The following CTNNA2 variants were observed in gnomAD, a reference collection of about 807,000 sequenced individuals.
The protein encoded by CTNNA2 is catenin alpha-2.
CTNNA2 carries 42 observed loss-of-function variants against 101.0 expected under a neutral mutation model. That is an observed-to-expected ratio of 0.42 (90% CI 0.32 to 0.54). CTNNA2 has a LOEUF of 0.54. CTNNA2 is among the 20% of genes least tolerant of loss of function. The pLI is 0.14. For synonymous variants in CTNNA2, 450 were observed against 456.4 expected (o/e 0.99, Z 0.18); for missense variants, 871 against 1,223.1 (o/e 0.71, Z 4.29).
intron 9 of CTNNA2, among the ~76,000 whole-genome samples, chr2:80,494,471 T>C (rs1044370649): frequency 1.3e-5 from 2 of 152,134 alleles, no homozygotes; most frequent in Non-Finnish European, 2.9e-5. Context: ...AACCTAGTAT[T>C]AGATGCATGG....
chr2:79,274,540 A>G (rs1425880875), intron 2 of CTNNA2, among the ~76,000 whole-genome samples: 1 of 152,094 alleles, frequency 6.6e-6, no homozygotes, highest in African/African-American at 2.4e-5. Flanking sequence ...AACATTCACA[A>G]ATAACTTCTC....
intron 9 of CTNNA2, among the ~76,000 whole-genome samples, chr2:80,443,266 A>T (rs969714588): frequency 1.3e-5 from 2 of 152,216 alleles, no homozygotes; most frequent in Non-Finnish European, 2.9e-5. Flanking sequence ...TAGGTAGGCC[A>T]GCTTTAGAAT....
At chr2:79,740,453 C>A (rs971162768) in intron 2 of CTNNA2, among the ~76,000 whole-genome samples, 1 of 152,146 alleles carries the variant, frequency 6.6e-6, no homozygotes. Flanking sequence ...TTTTGTCCTT[C>A]TTTTGCTTTC....
At chr2:80,227,728 A>G (rs945226606) in intron 7 of CTNNA2, among the ~76,000 whole-genome samples, 2 of 152,154 alleles carry the variant, frequency 1.3e-5, no homozygotes, top group East Asian at 3.9e-4. Context: ...TGTCAACCAG[A>G]TTGACTGATG....
chr2:80,078,646 ATT>A (rs1698918334), intron 7 of CTNNA2, among the ~76,000 whole-genome samples: 2 of 152,190 alleles, frequency 1.3e-5, no homozygotes, highest in South Asian at 4.1e-4. Flanking sequence ...AAAATAGGAC[ATT>A]TGAGGCCTGG....
intron 7 of CTNNA2, among the ~76,000 whole-genome samples, chr2:80,066,019 T>C (rs528403030): frequency 2.0e-5 from 3 of 152,320 alleles, no homozygotes; most frequent in South Asian, 4.1e-4. Flanking sequence ...TGACTAGTAC[T>C]CCCACTACAG....
chr2:79,605,085 CAA>C (rs77249006), intron 1 of CTNNA2, among the ~76,000 whole-genome samples: 1 of 115,528 alleles, frequency 8.7e-6, no homozygotes, highest in Non-Finnish European at 1.7e-5. Flanking sequence ...TTAAAATTAG[CAA>C]AGACATTAAG....
At chr2:79,453,198 A>G (rs772242947) in intron 4 of CTNNA2, among the ~76,000 whole-genome samples, 14 of 152,174 alleles carry the variant, frequency 9.2e-5, no homozygotes, top group Non-Finnish European at 1.5e-4. Flanking sequence ...TGTCTTATAT[A>G]AATACTATGT....
At chr2:80,271,513 C>T (rs866007996) in intron 7 of CTNNA2, among the ~76,000 whole-genome samples, 2 of 152,142 alleles carry the variant, frequency 1.3e-5, no homozygotes, top group Non-Finnish European at 1.5e-5. Flanking sequence ...GCTCCACCTC[C>T]CGTGTTCACG....
chr2:80,086,920 A>T (rs940829955), intron 7 of CTNNA2, among the ~76,000 whole-genome samples: 2 of 152,058 alleles, frequency 1.3e-5, no homozygotes, highest in Non-Finnish European at 2.9e-5. Context: ...AGTCTCTATC[A>T]GAGACTTTTC....
rs559321009 is a variant in CTNNA2 at position 79,556,083 on chromosome 2, TTGAG to T, written c.-6+42878_-6+42881del. 2.2e-3 allele frequency among the ~76,000 whole-genome samples: 341 copies of T among 152,244 alleles called. 3 individuals are homozygous for T. Among genetic ancestry groups the T allele is most frequent in the African/African-American group, 7.7e-3 (322 of 41,574 alleles). On this transcript the variant is annotated intron_variant, in intron 1 of 18. Coordinates refer to ENST00000402739, the MANE Select transcript of CTNNA2 (RefSeq NM_001282597.3). Reference sequence around the variant, plus strand: ...ATTTTCTGTTGCCTTATTTTTATGATTGAGTAATATATCCTCCTCCATATAAATT... The same window carrying T: ...ATTTTCTGTTGCCTTATTTTTATGATTAATATATCCTCCTCCATATAAATT...
Position 80,075,705 on chromosome 2 carries a change from AATATTATAAAAATAATATTTATACTT to A in CTNNA2, c.1056+165909_1056+165934del, listed in dbSNP as rs1558783823. 9.5e-3 allele frequency among the ~76,000 whole-genome samples: 810 copies of A among 85,402 alleles called. 10 individuals are homozygous for A. Among genetic ancestry groups the A allele is most frequent in the Middle Eastern group, 0.02 (4 of 200 alleles). The allele number at this position is 85,402 out of a possible 152,430, so 56.0% of individuals were successfully genotyped here. On this transcript the variant is annotated intron_variant, in intron 7 of 18. Transcript: ENST00000402739. Reference sequence around the variant, plus strand: ...TAAAAATAATATTTATACTTGTATAAATATTATAAAAATAATATTTATACTTGTATAAATATTATAAAAATAATATT... The same window carrying A: ...TAAAAATAATATTTATACTTGTATAAGTATAAATATTATAAAAATAATATT...
In CTNNA2 at chr2:80,538,146, C is replaced by A. The variant is rs560257729; in HGVS notation, c.1291-6836C>A. Among the ~76,000 whole-genome samples, 4 of 127,554 alleles carry A rather than the reference C, an allele frequency of 3.1e-5. No individual in the cohort carries two copies. The South Asian group carries it at 1.2e-3, about 37-fold the overall frequency. The allele number at this position is 127,554 out of a possible 152,430, so 83.7% of individuals were successfully genotyped here. Reference sequence around the variant, plus strand: ...AGATCTTTGTCAGATGGGTAGATTGCAAAAATTTTCTCTCATTCTTTAGGT... The same window carrying A: ...AGATCTTTGTCAGATGGGTAGATTGAAAAAATTTTCTCTCATTCTTTAGGT... On this transcript the variant is annotated intron_variant, in intron 9 of 18. Transcript: ENST00000402739.
intron 1 of CTNNA2, among the ~76,000 whole-genome samples, chr2:79,579,697 C>T (rs915428397): frequency 2.0e-5 from 3 of 152,148 alleles, no homozygotes; most frequent in Non-Finnish European, 4.4e-5. Context: ...TCACTGCAAC[C>T]TCCTCCTCCT....
At chr2:79,189,740 T>C (rs902089497) in intron 1 of CTNNA2, among the ~76,000 whole-genome samples, 7 of 152,128 alleles carry the variant, frequency 4.6e-5, no homozygotes, top group Non-Finnish European at 8.8e-5. Context: ...CCCACGGATA[T>C]TGGGATATAG....
chr2:79,955,157 G>A (rs1558671446), intron 7 of CTNNA2, among the ~76,000 whole-genome samples: 1 of 152,132 alleles, frequency 6.6e-6, no homozygotes, highest in African/African-American at 2.4e-5. Flanking sequence ...GGAGCAGTAT[G>A]ACGTATTAAA....
At chr2:80,428,862 T>G (rs1168285670) in intron 9 of CTNNA2, among the ~76,000 whole-genome samples, 1 of 152,070 alleles carries the variant, frequency 6.6e-6, no homozygotes, top group African/African-American at 2.4e-5. Context: ...AAAACTACAT[T>G]GATGGAATTG....
At chr2:80,504,687 G>C (rs907764964) in intron 9 of CTNNA2, among the ~76,000 whole-genome samples, 3 of 152,166 alleles carry the variant, frequency 2.0e-5, no homozygotes, top group Non-Finnish European at 4.4e-5. Flanking sequence ...CGCCTTACCA[G>C]TAAAATGGAA....
intron 3 of CTNNA2, among the ~76,000 whole-genome samples, chr2:79,817,160 A>G (rs183295687): frequency 6.6e-6 from 1 of 152,056 alleles, no homozygotes; most frequent in African/African-American, 2.4e-5. Context: ...AGCATTAGGT[A>G]TATCCCCTAA....
Sources: allele counts gnomAD v4.1 joint callset (sites outside exome capture counted in the v4.1 genomes callset), GRCh38; gene constraint gnomAD v4.1.1; transcripts MANE v1.5; gene names NCBI Gene and HGNC (gene_info 2026-07-23, HGNC 2026-07-21).